SCARA3: variants seen among roughly 807,000 people sequenced by gnomAD.
SCARA3 encodes the protein cellular stress response gene protein.
Under a neutral mutation model 47.0 loss-of-function variants are expected in SCARA3, and 39 were observed. The observed-to-expected ratio is 0.83, with a 90% CI of 0.64 to 1.08. The LOEUF (loss-of-function observed/expected upper bound fraction) is 1.08, where lower values mean the gene tolerates loss of function less well. SCARA3 is among the 50% of genes least tolerant of loss of function. The pLI is 0.00. For missense variants in SCARA3, 724 were observed against 792.3 expected, an observed-to-expected ratio of 0.91 and a Z score of 1.04; for synonymous variants, 356 against 334.1, an observed-to-expected ratio of 1.07 and a Z score of -0.71.
At chr8:27,647,454 A>T (rs1801529980) in intron 1 of SCARA3, among the ~76,000 whole-genome samples, 2 of 152,220 alleles carry the variant, frequency 1.3e-5, no homozygotes, top group Non-Finnish European at 2.9e-5. Context: ...CTCCACAGGC[A>T]GGCATAGAAC....
the SCARA3 span, among the ~76,000 whole-genome samples, chr8:27,729,000 G>A: frequency 2.6e-5 from 4 of 152,288 alleles, no homozygotes; most frequent in South Asian, 8.3e-4. Flanking sequence ...AGAAGGTTGA[G>A]GCTGCAGTGA....
the SCARA3 span, among the ~76,000 whole-genome samples, chr8:27,725,452 G>T: frequency 6.7e-6 from 1 of 148,204 alleles, no homozygotes; most frequent in Admixed American, 6.8e-5. Flanking sequence ...TTGTGTGTTT[G>T]TTACATTATA....
chr8:27,709,333 G>T, the SCARA3 span, among the ~76,000 whole-genome samples: 2 of 152,210 alleles, frequency 1.3e-5, no homozygotes, highest in Non-Finnish European at 2.9e-5. Context: ...TGGGCCCAGG[G>T]AGGAGAAGTC....
chr8:27,672,692 C>A lies in SCARA3; in HGVS notation c.*1341C>A, dbSNP rs182841401. ...GGCACCCACCAACTTCCTGCACACA[C>A]TGGCAGAGAGGGGCGCTGGGAAATC... On this transcript the variant is annotated 3_prime_UTR_variant, in exon 6 of 6. Coordinates refer to ENST00000301904, the MANE Select transcript of SCARA3 (RefSeq NM_016240.3). 6.3e-4 allele frequency: 622 copies of A among 985,724 alleles called. 6 individuals carry two copies. The Middle Eastern group carries it at 7.3e-3, about 12-fold the overall frequency. 61.1% of individuals were successfully genotyped at this position (985,724 alleles called of 1,614,324 possible). A position where few individuals can be genotyped will look rare whatever the true frequency, so the allele number is the denominator to read the frequency against.
intron 2 of SCARA3, among the ~76,000 whole-genome samples, chr8:27,650,649 C>G (rs1801611505): frequency 6.6e-6 from 1 of 152,170 alleles, no homozygotes; most frequent in South Asian, 2.1e-4. Context: ...GGTGAGTTCA[C>G]CTTAGGAATT....
the SCARA3 span, among the ~76,000 whole-genome samples, chr8:27,731,903 A>G: frequency 2.5e-5 from 3 of 121,702 alleles, no homozygotes; most frequent in South Asian, 5.2e-4. Context: ...CGGTACCCCG[A>G]ATATTTTCTC....
the SCARA3 span, among the ~76,000 whole-genome samples, chr8:27,720,246 G>T: frequency 6.6e-6 from 1 of 152,124 alleles, no homozygotes; most frequent in Non-Finnish European, 1.5e-5. Context: ...GTGGCGAGGG[G>T]AGGCCATTCT....
At chr8:27,732,415 A>G in the SCARA3 span, among the ~76,000 whole-genome samples, 1 of 152,224 alleles carries the variant, frequency 6.6e-6, no homozygotes, top group African/African-American at 2.4e-5. Context: ...TATGGTGTAG[A>G]CCTACAGTCA....
chr8:27,729,935 C>A, the SCARA3 span, among the ~76,000 whole-genome samples: 1 of 152,168 alleles, frequency 6.6e-6, no homozygotes, highest in African/African-American at 2.4e-5. Context: ...AATATCCTCA[C>A]CCACACAAGA....
the SCARA3 span, among the ~76,000 whole-genome samples, chr8:27,731,333 C>G: frequency 2.6e-5 from 4 of 151,758 alleles, no homozygotes; most frequent in Non-Finnish European, 5.9e-5. Flanking sequence ...CTCCTGCGTT[C>G]AAGTAATCCT....
rs202169789 is a variant in SCARA3 at position 27,649,718 on chromosome 8, C to T, written c.24C>T (p.Gly8=). 73 of 1,613,952 alleles carry T rather than the reference C, an allele frequency of 4.5e-5. No individual in the cohort carries two copies. The highest frequency in any genetic ancestry group is 1.6e-4 in the Middle Eastern group (1 of 6,072). MKVRSAG[G]DGDALCVTEE... is the part of the protein sequence containing the mutation. ...TCATTATAGTGAGGTCGGCCGGCGG[C>T]GATGGAGATGCCTTGTGCGTTACAG... is the stretch of plus-strand genomic sequence containing the variant. The change falls in exon 2 of 6, where the codon GGC becomes GGT. Residue 8 remains glycine (G), a synonymous_variant. Coordinates refer to ENST00000301904, the MANE Select transcript of SCARA3 (RefSeq NM_016240.3).
At chr8:27,656,748 C>A (rs1801751766) in intron 3 of SCARA3, 34 bp from the exon 4 acceptor site, 2 of 1,344,326 alleles carry the variant, frequency 1.5e-6, no homozygotes, top group South Asian at 1.2e-5. Context: ...TGAGCTTAGA[C>A]CCTGCCCCAG....
rs1490015639 is a variant in SCARA3 at position 27,672,213 on chromosome 8, A to G, written c.*862A>G. ...CACACAGTGCCCCCTGAGAAGTTCAACATTTATTTCTTCACGTGTCCAGAA... is the reference window on the plus strand; with the variant it reads ...CACACAGTGCCCCCTGAGAAGTTCAGCATTTATTTCTTCACGTGTCCAGAA... On this transcript the variant is annotated 3_prime_UTR_variant, in exon 6 of 6. Transcript: ENST00000301904. 2 of 985,354 alleles carry G rather than the reference A, an allele frequency of 2.0e-6. No homozygotes were observed. The highest frequency in any genetic ancestry group is 3.5e-5 in the African/African-American group (2 of 57,240). 61.0% of individuals were successfully genotyped at this position (985,354 alleles called of 1,614,324 possible). A position where few individuals can be genotyped will look rare whatever the true frequency, so the allele number is the denominator to read the frequency against.
rs201024594 is a variant in SCARA3 at position 27,639,313 on chromosome 8, G to A, written c.7+5106G>A. 9.9e-5 allele frequency among the ~76,000 whole-genome samples: 15 copies of A among 152,182 alleles called. No individual in the cohort carries two copies. The East Asian group carries it at 2.9e-3, about 29-fold the overall frequency. On this transcript the variant is annotated intron_variant, in intron 1 of 5. Transcript: ENST00000301904. ...CTGAGACGAGAACCGAATCATCCAG[G>A]CAGATGCCACAAAAGAACAAATGCA...
chr8:27,674,080 GTGTTCCCGCCCCAATCC>G (rs1802223978), downstream of SCARA3, among the ~76,000 whole-genome samples: 1 of 152,202 alleles, frequency 6.6e-6, no homozygotes, highest in Non-Finnish European at 1.5e-5. Context: ...TTCTTGGGAA[GTGTTCCCGCCCCAATCC>G]TGTTCCCTGT....
chr8:27,680,271 A>C (rs1198152205), downstream of SCARA3, among the ~76,000 whole-genome samples: 4 of 151,982 alleles, frequency 2.6e-5, no homozygotes, highest in Non-Finnish European at 5.9e-5. Context: ...AGGAAAACCA[A>C]CATGACCAAA....
the SCARA3 span, among the ~76,000 whole-genome samples, chr8:27,715,853 G>GATAGATAC: frequency 3.7e-4 from 53 of 142,090 alleles, no homozygotes; most frequent in East Asian, 6.5e-3. The surrounding 1 kb of genome is among the most constrained non-coding windows in gnomAD (Gnocchi z 4.2). Flanking sequence ...TAGATAGATA[G>GATAGATAC]ATAGATAGAT....
At chr8:27,685,853 T>C in the SCARA3 span, among the ~76,000 whole-genome samples, 7 of 150,970 alleles carry the variant, frequency 4.6e-5, no homozygotes, top group Non-Finnish European at 5.9e-5. Flanking sequence ...ACAACACCAT[T>C]TTTATGACTG....
At chr8:27,685,886 C>G in the SCARA3 span, among the ~76,000 whole-genome samples, 2 of 152,098 alleles carry the variant, frequency 1.3e-5, no homozygotes, top group African/African-American at 2.4e-5. Flanking sequence ...CCAGTCAAAC[C>G]CAGTAAAATC....
Sources: allele counts gnomAD v4.1 joint callset (sites outside exome capture counted in the v4.1 genomes callset), GRCh38; gene constraint gnomAD v4.1.1; non-coding constraint Gnocchi (gnomAD v3.1); transcripts MANE v1.5; gene names NCBI Gene and HGNC (gene_info 2026-07-23, HGNC 2026-07-21).